BRSK1: variants seen among roughly 807,000 people sequenced by gnomAD.
BRSK1 encodes the protein BR serine/threonine kinase 1, also known as serine/threonine-protein kinase BRSK1.
Under a neutral mutation model 86.2 loss-of-function variants are expected in BRSK1, and 17 were observed. That is an observed-to-expected ratio of 0.20 (90% CI 0.14 to 0.30). The LOEUF is 0.30. Ranked by LOEUF, BRSK1 falls within the 10% of genes least tolerant of loss-of-function variation. BRSK1 has a pLI of 1.00. For synonymous variants in BRSK1, 464 were observed against 440.1 expected (o/e 1.05, Z -0.68); for missense variants, 719 against 1,071.9 (o/e 0.67, Z 4.60).
rs1347987370 is a variant in BRSK1, at chr19:55,306,948, A to G, written c.2089+498A>G. ...AGAGCAGACATTACCAATTGATGGCAGTGCTTATTCCTGCTAAGCTCAGTG... is the reference window on the plus strand; with the variant it reads ...AGAGCAGACATTACCAATTGATGGCGGTGCTTATTCCTGCTAAGCTCAGTG... On this transcript the variant is annotated intron_variant, in intron 17 of 18. Coordinates refer to ENST00000309383, the MANE Select transcript of BRSK1 (RefSeq NM_032430.2). The surrounding 1 kb of genome is among the most constrained non-coding windows in gnomAD (Gnocchi z 4.7). Among the ~76,000 whole-genome samples the G allele has an allele frequency of 6.6e-6, 1 of 152,218 alleles. No individual in the cohort carries two copies. Among genetic ancestry groups the G allele is most frequent in the Non-Finnish European group, 1.5e-5 (1 of 68,048 alleles).
rs1226827341 is a variant in BRSK1, at chr19:55,284,142, C to CA, written c.-301_-300insA. 3 of 1,082,898 alleles carry CA rather than the reference C, an allele frequency of 2.8e-6. No homozygotes were observed. Among genetic ancestry groups the CA allele is most frequent in the Non-Finnish European group, 2.3e-6 (2 of 861,206 alleles). The allele number at this position is 1,082,898 out of a possible 1,614,324, so 67.1% of individuals were successfully genotyped here. A position where few individuals can be genotyped will look rare whatever the true frequency, so the allele number is the denominator to read the frequency against. ...CGCCGGCCCGCACCTCAGACCCCCC[C>CA]GGCGGGGGGAGGCGCAGGAAGCGGG... On this transcript the variant is annotated 5_prime_UTR_variant, in exon 1 of 19. An upstream open reading frame in the 5' UTR loses its in-frame stop. Coordinates refer to ENST00000309383, the MANE Select transcript of BRSK1 (RefSeq NM_032430.2).
rs2088637985 is a variant in BRSK1 at position 55,305,590 on chromosome 19, A to G, written c.1890+4A>G. The G allele has an allele frequency of 1.2e-6, 2 of 1,613,844 alleles. No homozygotes were observed. The highest frequency in any genetic ancestry group is 2.2e-5 in the South Asian group (2 of 91,084). ...CATCGTCCATGCCTTTCTGTCGGTG[A>G]GGGGCCTGGGTCCCCATCGAGCCTG... On this transcript the variant is annotated splice_donor_region_variant and intron_variant, in intron 16 of 18. Transcript: ENST00000309383.
In BRSK1 at chr19:55,310,862, C is replaced by T. The variant is rs989656079; in HGVS notation, c.2180-1049C>T. Among the ~76,000 whole-genome samples the T allele has an allele frequency of 6.6e-6, 1 of 152,180 alleles. No homozygotes were observed. The highest frequency in any genetic ancestry group is 1.5e-5 in the Non-Finnish European group (1 of 68,032). On this transcript the variant is annotated intron_variant, in intron 18 of 18. Coordinates refer to ENST00000309383, the MANE Select transcript of BRSK1 (RefSeq NM_032430.2). The surrounding 1 kb of genome is among the most constrained non-coding windows in gnomAD (Gnocchi z 5.0). ...CACACCCTGGAAGATGTAGGACTAA[C>T]AGGCACCCTGGGGGGCTCAGCCACC...
intron 17 of BRSK1, among the ~76,000 whole-genome samples, chr19:55,307,274 T>C (rs2088665673): frequency 2.0e-5 from 3 of 152,246 alleles, no homozygotes; most frequent in Non-Finnish European, 4.4e-5. Flanking sequence ...AAGACTAACA[T>C]GCAGGCTGGG....
chr19:55,299,968 G>T (rs1309360630), intron 7 of BRSK1, among the ~76,000 whole-genome samples: 1 of 152,076 alleles, frequency 6.6e-6, no homozygotes, highest in Non-Finnish European at 1.5e-5. Context: ...TCCATGGGGG[G>T]TCACCTTGGC....
chr19:55,298,182 T>C (rs930748508), intron 7 of BRSK1, among the ~76,000 whole-genome samples: 1 of 150,136 alleles, frequency 6.7e-6, no homozygotes, highest in Non-Finnish European at 1.5e-5. Context: ...TTATTATTAG[T>C]AGTTTATTCT....
chr19:55,303,138 G>T lies in BRSK1; in HGVS notation c.1029-173G>T. The T allele has an allele frequency of 1.6e-6, 1 of 643,724 alleles. No homozygotes were observed. Among genetic ancestry groups the T allele is most frequent in the Non-Finnish European group, 2.7e-6 (1 of 374,540 alleles). 39.9% of individuals were successfully genotyped at this position (643,724 alleles called of 1,614,324 possible). A position where few individuals can be genotyped will look rare whatever the true frequency, so the allele number is the denominator to read the frequency against. The stretch of plus-strand genomic sequence containing the variant: ...TAGGTGTTACAGTGTTATTATAATT[G>T]AGTGAAACACAGCTGAGATGTACCC... On this transcript the variant is annotated intron_variant, in intron 10 of 18. Transcript: ENST00000309383. This position sits in a 1 kb window ranked among gnomAD's most constrained non-coding sequence, Gnocchi z 5.1.
At chr19:55,305,225 C>T (rs887916782) in intron 14 of BRSK1, 96 bp from the exon 15 acceptor site, 254 of 1,503,010 alleles carry the variant, frequency 1.7e-4, no homozygotes, top group Non-Finnish European at 2.2e-4. Flanking sequence ...CAACCCAAGG[C>T]TCTGGAACCC....
chr19:55,300,193 G>A (rs2088550261), intron 7 of BRSK1, among the ~76,000 whole-genome samples: 1 of 152,152 alleles, frequency 6.6e-6, no homozygotes, highest in African/African-American at 2.4e-5. Flanking sequence ...CATGGCTGGT[G>A]GCTACGTCAG....
At chr19:55,299,371 G>T (rs79144729) in intron 7 of BRSK1, among the ~76,000 whole-genome samples, 21,689 of 132,676 alleles carry the variant, frequency 0.16, 1,711 homozygotes, top group Middle Eastern at 0.25. Context: ...ATTTGTTTTG[G>T]TTTTTTTTTT....
chr19:55,307,712 G>A (rs1163294871), intron 17 of BRSK1, among the ~76,000 whole-genome samples: 2 of 143,008 alleles, frequency 1.4e-5, no homozygotes, highest in African/African-American at 5.3e-5. Context: ...GCAACATAAT[G>A]GACCTCATCT....
In BRSK1 at chr19:55,306,887, A is replaced by G. The variant is rs2088657730; in HGVS notation, c.2089+437A>G. Among the ~76,000 whole-genome samples the G allele has an allele frequency of 6.6e-6, 1 of 152,184 alleles. No homozygotes were observed. The highest frequency in any genetic ancestry group is 2.4e-5 in the African/African-American group (1 of 41,450). Reference sequence around the variant, plus strand: ...TTAAGATGGTAGAGCCAAAGGGTGAAGACACAGCACACTGCTGTCTAATAT... The same window carrying G: ...TTAAGATGGTAGAGCCAAAGGGTGAGGACACAGCACACTGCTGTCTAATAT... On this transcript the variant is annotated intron_variant, in intron 17 of 18. Transcript: ENST00000309383. This position sits in a 1 kb window ranked among gnomAD's most constrained non-coding sequence, Gnocchi z 4.7.
At position 55,302,124 on chromosome 19, in the gene BRSK1, A is replaced by C. The variant is rs947926105; in HGVS notation, c.826-13A>C. 1 of 1,613,774 alleles carries C rather than the reference A, an allele frequency of 6.2e-7. No individual in the cohort carries two copies. Among genetic ancestry groups the C allele is most frequent in the African/African-American group, 1.3e-5 (1 of 74,822 alleles). On this transcript the variant is annotated splice_polypyrimidine_tract_variant and intron_variant, in intron 8 of 18. Transcript: ENST00000309383. The surrounding 1 kb of genome is among the most constrained non-coding windows in gnomAD (Gnocchi z 6.3). ...CCTCACTTCTGCTTCTCTACGACTC[A>C]CCACCCTCACAGCTGGAGCAAATTC...
At chr19:55,292,982 C>G (rs757324604) in intron 4 of BRSK1, among the ~76,000 whole-genome samples, 2 of 152,000 alleles carry the variant, frequency 1.3e-5, no homozygotes, top group African/African-American at 2.4e-5. Context: ...CACTCCAGGC[C>G]GGGCAACAGA....
chr19:55,304,471 A>G lies in BRSK1; in HGVS notation c.1348-80A>G. Reference sequence around the variant, plus strand: ...AGCATGCACCGGGCCAGCGTCCGTGAGTGTGCGTGTGAGTGGGGCTCCTAG... The same window carrying G: ...AGCATGCACCGGGCCAGCGTCCGTGGGTGTGCGTGTGAGTGGGGCTCCTAG... On this transcript the variant is annotated intron_variant, in intron 13 of 18. Coordinates refer to ENST00000309383, the MANE Select transcript of BRSK1 (RefSeq NM_032430.2). This position sits in a 1 kb window ranked among gnomAD's most constrained non-coding sequence, Gnocchi z 5.2. 7.0e-7 allele frequency: 1 copy of G among 1,432,648 alleles called. No homozygotes were observed. 88.7% of individuals were successfully genotyped at this position (1,432,648 alleles called of 1,614,324 possible). A position where few individuals can be genotyped will look rare whatever the true frequency, so the allele number is the denominator to read the frequency against.
At chr19:55,307,252 C>G (rs188906664) in intron 17 of BRSK1, among the ~76,000 whole-genome samples, 59 of 152,262 alleles carry the variant, frequency 3.9e-4, no homozygotes, top group Admixed American at 1.5e-3. Flanking sequence ...CTTTATTTTT[C>G]TGTCCCCCTT....
intron 8 of BRSK1, 153 bp from the exon 9 acceptor site, chr19:55,301,984 C>A: frequency 2.1e-6 from 2 of 968,438 alleles, no homozygotes; most frequent in South Asian, 1.3e-5. Flanking sequence ...TGCACTCAGT[C>A]GCCACTAGAG....
chr19:55,288,497 A>AAAC (rs371771156), intron 3 of BRSK1, among the ~76,000 whole-genome samples: 6 of 149,578 alleles, frequency 4.0e-5, no homozygotes, highest in African/African-American at 1.2e-4. Context: ...AAAAAACTCC[A>AAAC]AACAACAACA....
At chr19:55,301,401 G>C (rs2088567486) in intron 7 of BRSK1, 111 bp from the exon 8 acceptor site, 1 of 1,351,054 alleles carries the variant, frequency 7.4e-7, no homozygotes, top group African/African-American at 1.5e-5. Flanking sequence ...GAGCCTCTCT[G>C]TGCCTCAGTT....
Sources: allele counts gnomAD v4.1 joint callset (sites outside exome capture counted in the v4.1 genomes callset), GRCh38; gene constraint gnomAD v4.1.1; non-coding constraint Gnocchi (gnomAD v3.1); transcripts MANE v1.5; gene names NCBI Gene and HGNC (gene_info 2026-07-23, HGNC 2026-07-21).